The following SCAPER variants were observed in gnomAD, a reference collection of about 807,000 sequenced individuals.
The protein encoded by SCAPER is S phase cyclin A-associated protein in the endoplasmic reticulum.
A neutral mutation model predicts 182.2 loss-of-function variants in SCAPER; 98 were observed. That is an observed-to-expected ratio of 0.54 (90% confidence interval 0.46 to 0.64). The LOEUF (loss-of-function observed/expected upper bound fraction) is 0.64, where lower values mean the gene tolerates loss of function less well. SCAPER is among the 30% of genes least tolerant of loss of function. The probability of loss-of-function intolerance (pLI) is 0.00; values close to 1 mark genes in which losing one functional copy is unlikely to be tolerated. For missense variants in SCAPER, 1,432 were observed against 1,690.0 expected (o/e 0.85, Z 2.68); for synonymous variants, 605 against 564.6 (o/e 1.07, Z -1.01).
chr15:76,510,888 T>TGTATGC (rs1491205462), intron 23 of SCAPER, among the ~76,000 whole-genome samples: 2 of 141,090 alleles, frequency 1.4e-5, no homozygotes, highest in African/African-American at 5.2e-5. Flanking sequence ...TGTGTGTGTG[T>TGTATGC]GCGCGCGCGC....
At chr15:76,559,201 ATTTTTTTTTTT>A (rs58642207) in intron 23 of SCAPER, among the ~76,000 whole-genome samples, 2 of 121,826 alleles carry the variant, frequency 1.6e-5, no homozygotes, top group South Asian at 5.5e-4. Context: ...CACCCAGCTA[ATTTTTTTTTTT>A]TTTTTTTTTT....
At chr15:76,896,215 T>C (rs1404873627) in intron 1 of SCAPER, among the ~76,000 whole-genome samples, 3 of 149,998 alleles carry the variant, frequency 2.0e-5, no homozygotes, top group Non-Finnish European at 4.5e-5. Context: ...ACCAAAAATA[T>C]GAAAATTGGC....
At chr15:76,516,044 G>A (rs940697665) in intron 23 of SCAPER, among the ~76,000 whole-genome samples, 7 of 152,162 alleles carry the variant, frequency 4.6e-5, no homozygotes, top group Non-Finnish European at 1.0e-4. Flanking sequence ...TGAAGGGAAA[G>A]AGGGAAAGGA....
At position 76,804,584 on chromosome 15, in the gene SCAPER, A is replaced by G. The variant is rs1387778842; in HGVS notation, c.443T>C (p.Ile148Thr). 1 of 1,612,078 alleles carries G rather than the reference A, an allele frequency of 6.2e-7. No individual in the cohort carries two copies. Among genetic ancestry groups the G allele is most frequent in the East Asian group, 2.2e-5 (1 of 44,796 alleles). The change falls in exon 6 of 32, where the codon ATT becomes ACT. Residue 148 changes from isoleucine to threonine, a missense_variant. By Grantham distance (89) the Ile-to-Thr change is moderately conservative. Coordinates refer to ENST00000563290, the MANE Select transcript of SCAPER (RefSeq NM_020843.4). ...DNYVRDFKAL[I>T]DWIQLQEKLE... is the part of the protein sequence containing the mutation. The stretch of plus-strand genomic sequence containing the variant: ...CTTTTCCTGAAGCTGAATCCAGTCA[A>G]TCAATGCTTTGAAATCTCTTACATA...
At chr15:76,779,711 T>A (rs943466919) in intron 8 of SCAPER, among the ~76,000 whole-genome samples, 20 of 149,096 alleles carry the variant, frequency 1.3e-4, no homozygotes, top group African/African-American at 3.4e-4. Context: ...GTTACTCTGT[T>A]AAAAAAAAAA....
At chr15:76,743,183 G>A (rs564999025) in intron 15 of SCAPER, among the ~76,000 whole-genome samples, 39 of 152,110 alleles carry the variant, frequency 2.6e-4, no homozygotes, top group African/African-American at 8.7e-4. Flanking sequence ...GACTTCGGTC[G>A]TCACTATGAT....
chr15:76,408,619 C>T (rs78508537), intron 26 of SCAPER, among the ~76,000 whole-genome samples: 11 of 151,898 alleles, frequency 7.2e-5, no homozygotes, highest in South Asian at 2.1e-4. Flanking sequence ...GAGCAAGGTA[C>T]GAGAAAACCC....
At chr15:76,432,810 A>T (rs2046955302) in intron 26 of SCAPER, among the ~76,000 whole-genome samples, 1 of 152,196 alleles carries the variant, frequency 6.6e-6, no homozygotes, top group African/African-American at 2.4e-5. Context: ...CTAGACATGA[A>T]TTCCACTCTC....
chr15:76,390,919 C>T (rs2043649731), intron 27 of SCAPER, among the ~76,000 whole-genome samples: 1 of 152,186 alleles, frequency 6.6e-6, no homozygotes, highest in Non-Finnish European at 1.5e-5. Context: ...TTCTGGCTTC[C>T]ACTCTTGCTT....
chr15:76,829,378 G>C (rs975600911), intron 5 of SCAPER, among the ~76,000 whole-genome samples: 1 of 152,096 alleles, frequency 6.6e-6, no homozygotes, highest in African/African-American at 2.4e-5. Flanking sequence ...CAGAAAACTA[G>C]TATTTGGAGA....
chr15:76,552,893 T>C (rs895552570), intron 23 of SCAPER, among the ~76,000 whole-genome samples: 1 of 152,206 alleles, frequency 6.6e-6, no homozygotes, highest in African/African-American at 2.4e-5. Flanking sequence ...GACCCCAGTC[T>C]GGCCATGCCT....
intron 6 of SCAPER, among the ~76,000 whole-genome samples, chr15:76,803,220 T>C (rs942638542): frequency 1.3e-5 from 2 of 152,216 alleles, no homozygotes; most frequent in Non-Finnish European, 2.9e-5. Flanking sequence ...TTTTCACTCC[T>C]GCCCTACTAA....
At chr15:76,524,689 G>GTTTGTTTTTTTTTTTTTTTTT (rs2043058673) in intron 23 of SCAPER, among the ~76,000 whole-genome samples, 1 of 50,116 alleles carries the variant, frequency 2.0e-5, no homozygotes, top group Non-Finnish European at 3.5e-5. Context: ...TTTTTGTTCT[G>GTTTGTTTTTTTTTTTTTTTTT]TTTTTTTTTT....
Position 76,752,930 on chromosome 15 carries a change from T to C in SCAPER, c.1866+878A>G, listed in dbSNP as rs531129178. On this transcript the variant is annotated intron_variant, in intron 15 of 31. Transcript: ENST00000563290. ...GGAAAAAAATTAGACTCTATACATGTATTTAAAAAAAATGACTCAAATTAA... is the reference window on the plus strand; with the variant it reads ...GGAAAAAAATTAGACTCTATACATGCATTTAAAAAAAATGACTCAAATTAA... 1.1e-4 allele frequency among the ~76,000 whole-genome samples: 16 copies of C among 151,904 alleles called. 1 individual carries two copies. The South Asian group carries it at 3.1e-3, about 30-fold the overall frequency.
chr15:76,816,408 C>T (rs868536355), intron 5 of SCAPER, among the ~76,000 whole-genome samples: 6 of 151,954 alleles, frequency 3.9e-5, no homozygotes, highest in Non-Finnish European at 8.8e-5. Flanking sequence ...CGAACACACA[C>T]ATTAGCCTAG....
rs1395279188 is a variant in SCAPER, at chr15:76,637,740, ATATGTGTGTGTGTG to A, written c.2646-15925_2646-15912del. Among the ~76,000 whole-genome samples the A allele has an allele frequency of 3.1e-3, 98 of 31,930 alleles. 4 individuals carry two copies. The highest frequency in any genetic ancestry group is 6.4e-3 in the African/African-American group (83 of 12,974). 20.9% of individuals were successfully genotyped at this position (31,930 alleles called of 152,430 possible). A position where few individuals can be genotyped will look rare whatever the true frequency, so the allele number is the denominator to read the frequency against. ...TATGTGATTATATATATATATATATATATGTGTGTGTGTGTGTGTGTGTGTGTGTGTGTGTGTGT... is the reference window on the plus strand; with the variant it reads ...TATGTGATTATATATATATATATATATGTGTGTGTGTGTGTGTGTGTGTGT... On this transcript the variant is annotated intron_variant, in intron 21 of 31. Transcript: ENST00000563290.
intron 30 of SCAPER, among the ~76,000 whole-genome samples, 195 bp downstream of exon 30, chr15:76,353,754 C>T (rs984545652): frequency 6.6e-6 from 1 of 152,170 alleles, no homozygotes; most frequent in African/African-American, 2.4e-5. Flanking sequence ...AGAAATTATA[C>T]AACACCCAAT....
intron 23 of SCAPER, among the ~76,000 whole-genome samples, chr15:76,528,718 T>C (rs2043396228): frequency 6.6e-6 from 1 of 152,206 alleles, no homozygotes; most frequent in South Asian, 2.1e-4. Flanking sequence ...ACTCACCACA[T>C]TGCAGCCTGA....
intron 2 of SCAPER, among the ~76,000 whole-genome samples, chr15:76,874,372 A>T (rs1204589469): frequency 1.3e-5 from 2 of 152,206 alleles, no homozygotes; most frequent in African/African-American, 4.8e-5. Context: ...AAATTATCTA[A>T]GTCTCTATTT....
Sources: allele counts gnomAD v4.1 joint callset (sites outside exome capture counted in the v4.1 genomes callset), GRCh38; gene constraint gnomAD v4.1.1; transcripts MANE v1.5; gene names NCBI Gene and HGNC (gene_info 2026-07-23, HGNC 2026-07-21).